SPOCK1: variants seen among roughly 807,000 people sequenced by gnomAD.
SPOCK1 encodes testican-1.
A neutral mutation model predicts 55.3 loss-of-function variants in SPOCK1; 23 were observed. That is an observed-to-expected ratio of 0.42 (90% CI 0.30 to 0.59). SPOCK1 has a LOEUF of 0.59. SPOCK1 is among the 20% of genes least tolerant of loss of function. The pLI, the probability that SPOCK1 is intolerant of heterozygous loss-of-function variation, is 0.22. For synonymous variants in SPOCK1, 226 were observed against 221.0 expected (o/e 1.02, Z -0.20); for missense variants, 499 against 552.5 (o/e 0.90, Z 0.97).
chr5:137,083,481 G>T (rs925133552), intron 5 of SPOCK1, among the ~76,000 whole-genome samples: 3 of 152,166 alleles, frequency 2.0e-5, no homozygotes, highest in African/African-American at 7.2e-5. Flanking sequence ...ATGGGCAGCG[G>T]CACTCCATTT....
chr5:137,055,555 A>G (rs1473358672), intron 6 of SPOCK1, among the ~76,000 whole-genome samples: 1 of 152,230 alleles, frequency 6.6e-6, no homozygotes, highest in Non-Finnish European at 1.5e-5. Flanking sequence ...ACAACACAGA[A>G]CTATGTATAA....
chr5:136,977,782 A>G lies in SPOCK1; in HGVS notation c.*872T>C. 3 of 399,022 alleles carry G rather than the reference A, an allele frequency of 7.5e-6. No individual in the cohort carries two copies. The South Asian group carries it at 3.8e-4, about 51-fold the overall frequency. 24.7% of individuals were successfully genotyped at this position (399,022 alleles called of 1,614,324 possible). On this transcript the variant is annotated 3_prime_UTR_variant, in exon 11 of 11. Transcript: ENST00000394945. ...AGGCTTTCAGTAACTCTGCTGATGC[A>G]CAGAGAAGAGACTTCCTCAGCCTGC...
At chr5:137,056,949 T>C (rs1752313190) in intron 6 of SPOCK1, among the ~76,000 whole-genome samples, 1 of 152,124 alleles carries the variant, frequency 6.6e-6, no homozygotes, top group East Asian at 1.9e-4. Context: ...TACGCAAGTA[T>C]GAAGGACCTG....
At chr5:137,494,020 C>A (rs978455800) in intron 2 of SPOCK1, among the ~76,000 whole-genome samples, 1 of 152,180 alleles carries the variant, frequency 6.6e-6, no homozygotes, top group Non-Finnish European at 1.5e-5. Flanking sequence ...TAGAATTACA[C>A]ACTCAGGTCA....
At chr5:137,014,974 T>C (rs1751423790) in intron 6 of SPOCK1, among the ~76,000 whole-genome samples, 1 of 152,144 alleles carries the variant, frequency 6.6e-6, no homozygotes, top group Non-Finnish European at 1.5e-5. Flanking sequence ...AACAGATAGA[T>C]TCTCTCCTGT....
chr5:137,192,275 G>A (rs181655999), intron 3 of SPOCK1, among the ~76,000 whole-genome samples: 1 of 149,578 alleles, frequency 6.7e-6, no homozygotes, highest in African/African-American at 2.5e-5. Context: ...AACAAGCTCA[G>A]AGAGTCTCCT....
chr5:137,176,949 A>G (rs1754865227), intron 3 of SPOCK1, among the ~76,000 whole-genome samples: 1 of 152,168 alleles, frequency 6.6e-6, no homozygotes, highest in African/African-American at 2.4e-5. Context: ...TAACAGTACA[A>G]CTGTAATCCA....
chr5:137,476,841 C>T (rs1454511864), intron 2 of SPOCK1, among the ~76,000 whole-genome samples: 2 of 152,032 alleles, frequency 1.3e-5, no homozygotes, highest in African/African-American at 4.8e-5. Flanking sequence ...GGAAGGATCG[C>T]TTGAACCTGG....
At chr5:137,376,814 A>G (rs1731722645) in intron 2 of SPOCK1, among the ~76,000 whole-genome samples, 1 of 152,214 alleles carries the variant, frequency 6.6e-6, no homozygotes. Context: ...AAAAAAGATT[A>G]GAAGGTCAAC....
At chr5:137,461,940 C>T (rs1009005477) in intron 2 of SPOCK1, among the ~76,000 whole-genome samples, 1 of 152,196 alleles carries the variant, frequency 6.6e-6, no homozygotes, top group African/African-American at 2.4e-5. Flanking sequence ...CCAGTGTTAA[C>T]ATCACCAGAT....
At chr5:137,354,440 G>A (rs1241416165) in intron 2 of SPOCK1, among the ~76,000 whole-genome samples, 1 of 151,984 alleles carries the variant, frequency 6.6e-6, no homozygotes, top group South Asian at 2.1e-4. Flanking sequence ...CCCCCAGGCA[G>A]CCTCCTCAGT....
chr5:137,356,593 C>A (rs1750805538), intron 2 of SPOCK1, among the ~76,000 whole-genome samples: 1 of 151,036 alleles, frequency 6.6e-6, no homozygotes, highest in Non-Finnish European at 1.5e-5. Flanking sequence ...GAGTTTGAGA[C>A]CAGCCTGGCC....
At chr5:137,245,781 A>C (rs1075583) in intron 3 of SPOCK1, among the ~76,000 whole-genome samples, 9,871 of 131,376 alleles carry the variant, frequency 0.075, 1,016 homozygotes, top group African/African-American at 0.24. Context: ...CAAAACAAAA[A>C]AAAAACAAAA....
At chr5:137,354,396 A>T (rs1284391351) in intron 2 of SPOCK1, among the ~76,000 whole-genome samples, 1 of 150,916 alleles carries the variant, frequency 6.6e-6, no homozygotes, top group Non-Finnish European at 1.5e-5. Flanking sequence ...CTTCTCCAAG[A>T]CTCCCCAGGA....
At chr5:137,288,491 C>A (rs1448493142) in intron 2 of SPOCK1, among the ~76,000 whole-genome samples, 2 of 152,194 alleles carry the variant, frequency 1.3e-5, no homozygotes, top group African/African-American at 4.8e-5. Context: ...TACTTTGAAT[C>A]CCTCTTACTT....
intron 2 of SPOCK1, among the ~76,000 whole-genome samples, chr5:137,362,241 G>T (rs1268950646): frequency 6.6e-6 from 1 of 152,148 alleles, no homozygotes; most frequent in Non-Finnish European, 1.5e-5. Context: ...GGGTTAGAAG[G>T]GGGGTGGTGA....
intron 4 of SPOCK1, among the ~76,000 whole-genome samples, chr5:137,120,201 C>T (rs1290560394): frequency 6.6e-6 from 1 of 152,114 alleles, no homozygotes; most frequent in African/African-American, 2.4e-5. Flanking sequence ...TCAAGACTTG[C>T]TCATATCAGG....
intron 8 of SPOCK1, 116 bp downstream of exon 8, chr5:136,988,306 T>C (rs1414347550): frequency 2.6e-6 from 2 of 766,664 alleles, no homozygotes; most frequent in Non-Finnish European, 4.2e-6. Context: ...TTAAATGGAA[T>C]GAATTATTTA....
At chr5:137,323,654 T>C (rs1056488519) in intron 2 of SPOCK1, among the ~76,000 whole-genome samples, 26 of 152,098 alleles carry the variant, frequency 1.7e-4, no homozygotes, top group Admixed American at 1.4e-3. Context: ...ATTTTTAAAA[T>C]GGGTATTTTA....
Sources: gnomAD v4.1 joint callset for allele counts (sites outside exome capture counted in the v4.1 genomes callset) on GRCh38, gnomAD v4.1.1 for gene constraint, MANE v1.5 for transcripts, NCBI Gene and HGNC (gene_info 2026-07-23, HGNC 2026-07-21) for gene names.